Variants in PPFIA2 observed in about 807,000 individuals in gnomAD.
PPFIA2 encodes the protein liprin-alpha-2.
Under a neutral mutation model 175.5 loss-of-function variants are expected in PPFIA2, and 46 were observed. The ratio of observed to expected loss-of-function variants is 0.26; its 90% CI spans 0.21 to 0.34. The LOEUF is 0.34. Among genes scored for constraint, PPFIA2 ranks in the 10% least tolerant of loss-of-function variants. The pLI, the probability that PPFIA2 is intolerant of heterozygous loss-of-function variation, is 1.00. For missense variants in PPFIA2, 1,179 were observed against 1,506.1 expected (o/e 0.78, Z 3.60); for synonymous variants, 568 against 511.4 (o/e 1.11, Z -1.49).
intron 4 of PPFIA2, among the ~76,000 whole-genome samples, chr12:81,538,497 T>C (rs895573385): frequency 1.3e-5 from 2 of 151,804 alleles, no homozygotes; most frequent in Non-Finnish European, 2.9e-5. Context: ...GAAAATATAA[T>C]AGAGGATGTT....
intron 4 of PPFIA2, among the ~76,000 whole-genome samples, chr12:81,631,241 T>A (rs2063350906): frequency 6.6e-6 from 1 of 152,118 alleles, no homozygotes; most frequent in Admixed American, 6.6e-5. Context: ...TATTAGATAT[T>A]GATTTTAATG....
intron 3 of PPFIA2, among the ~76,000 whole-genome samples, chr12:81,695,055 C>G (rs1423277261): frequency 6.6e-6 from 1 of 151,916 alleles, no homozygotes; most frequent in African/African-American, 2.4e-5. Flanking sequence ...TTGGAAATAA[C>G]TAATTTGTTT....
At chr12:81,586,825 T>C (rs2075366395) in intron 4 of PPFIA2, among the ~76,000 whole-genome samples, 1 of 151,922 alleles carries the variant, frequency 6.6e-6, no homozygotes, top group Admixed American at 6.6e-5. Context: ...ATTACATTTC[T>C]CTAAATTTAA....
intron 3 of PPFIA2, among the ~76,000 whole-genome samples, chr12:81,705,084 A>T (rs1227966940): frequency 1.7e-4 from 6 of 34,992 alleles, no homozygotes; most frequent in South Asian, 1.9e-3. Flanking sequence ...AACTCTGTCT[A>T]AAAAAAAAAA....
intron 4 of PPFIA2, among the ~76,000 whole-genome samples, chr12:81,622,208 T>C (rs1021389756): frequency 2.0e-5 from 3 of 152,182 alleles, no homozygotes; most frequent in Non-Finnish European, 4.4e-5. Context: ...CAATTGGGTA[T>C]ATCAACTTGG....
At chr12:81,441,542 A>G (rs528820159) in intron 6 of PPFIA2, among the ~76,000 whole-genome samples, 69 of 152,254 alleles carry the variant, frequency 4.5e-4, no homozygotes, top group African/African-American at 1.6e-3. Flanking sequence ...ATTGTTAACA[A>G]AATACATAGG....
At chr12:81,367,055 G>A (rs1017030930) in intron 14 of PPFIA2, 53 bp downstream of exon 14, 57 of 1,403,066 alleles carry the variant, frequency 4.1e-5, no homozygotes, top group Admixed American at 2.9e-4. Flanking sequence ...ATTCATCAGT[G>A]GAATAGAAAA....
At chr12:81,538,458 T>C (rs1436828830) in intron 4 of PPFIA2, among the ~76,000 whole-genome samples, 1 of 151,868 alleles carries the variant, frequency 6.6e-6, no homozygotes, top group Non-Finnish European at 1.5e-5. Flanking sequence ...AAATATGTTT[T>C]ATGTAACAGA....
intron 4 of PPFIA2, among the ~76,000 whole-genome samples, chr12:81,488,949 C>T (rs554079206): frequency 8.6e-5 from 13 of 151,866 alleles, no homozygotes; most frequent in African/African-American, 2.4e-4. Flanking sequence ...TTAGGCACAG[C>T]GCAATGATTC....
chr12:81,400,101 T>A (rs184081567), intron 8 of PPFIA2, among the ~76,000 whole-genome samples: 2 of 152,304 alleles, frequency 1.3e-5, no homozygotes, highest in East Asian at 3.9e-4. Context: ...TGATAAATGA[T>A]GTTTATTAGT....
intron 3 of PPFIA2, among the ~76,000 whole-genome samples, chr12:81,730,296 G>A (rs2080702378): frequency 6.6e-6 from 1 of 151,562 alleles, no homozygotes; most frequent in South Asian, 2.1e-4. Flanking sequence ...CTCTCATACT[G>A]ATATGAAGAA....
chr12:81,506,967 C>T (rs1348903591), intron 4 of PPFIA2, among the ~76,000 whole-genome samples: 1 of 152,196 alleles, frequency 6.6e-6, no homozygotes, highest in Non-Finnish European at 1.5e-5. Context: ...AGAATAAGTC[C>T]TAATGCTTTA....
chr12:81,746,056 T>G (rs763509199), intron 3 of PPFIA2, among the ~76,000 whole-genome samples: 1 of 137,116 alleles, frequency 7.3e-6, no homozygotes, highest in Non-Finnish European at 1.7e-5. Flanking sequence ...GACTATATCT[T>G]AGCATCTCCT....
chr12:81,524,814 C>A (rs2063557266), intron 4 of PPFIA2, among the ~76,000 whole-genome samples: 1 of 152,138 alleles, frequency 6.6e-6, no homozygotes, highest in Admixed American at 6.5e-5. Context: ...TATGTTCAAA[C>A]CCTAACCTCC....
intron 7 of PPFIA2, among the ~76,000 whole-genome samples, chr12:81,419,100 A>G (rs1312538218): frequency 6.6e-6 from 1 of 152,062 alleles, no homozygotes; most frequent in African/African-American, 2.4e-5. Flanking sequence ...CCTTAAGGAA[A>G]GCAGTTTATT....
At chr12:81,479,465 T>A (rs1202016691) in intron 4 of PPFIA2, among the ~76,000 whole-genome samples, 1 of 152,200 alleles carries the variant, frequency 6.6e-6, no homozygotes, top group Non-Finnish European at 1.5e-5. Flanking sequence ...AATCTTGTCA[T>A]TATGATGCTA....
rs36182501 is a variant in PPFIA2 at position 81,386,275 on chromosome 12, T to TTAAATAAA, written c.763-2039_763-2032dup. Among the ~76,000 whole-genome samples, 506 of 135,722 alleles carry TTAAATAAA rather than the reference T, an allele frequency of 3.7e-3. 1 individual carries two copies. Among genetic ancestry groups the TTAAATAAA allele is most frequent in the African/African-American group, 5.5e-3 (199 of 36,478 alleles). The allele number at this position is 135,722 out of a possible 152,430, so 89.0% of individuals were successfully genotyped here. On this transcript the variant is annotated intron_variant, in intron 8 of 32. Coordinates refer to ENST00000549396, the MANE Select transcript of PPFIA2 (RefSeq NM_003625.5). Reference sequence around the variant, plus strand: ...CATGGGCAACAGAGCCTTACAACCTTTAAATAAATAAATAAATAAATAAAT... The same window carrying TTAAATAAA: ...CATGGGCAACAGAGCCTTACAACCTTTAAATAAATAAATAAATAAATAAATAAATAAAT...
chr12:81,268,376 G>T (rs2038063097), intron 28 of PPFIA2, among the ~76,000 whole-genome samples: 1 of 151,696 alleles, frequency 6.6e-6, no homozygotes, highest in Non-Finnish European at 1.5e-5. Context: ...CTGACCTCGT[G>T]ATCCGCCCGC....
At chr12:81,333,996 G>T (rs975279342) in intron 21 of PPFIA2, among the ~76,000 whole-genome samples, 1 of 152,164 alleles carries the variant, frequency 6.6e-6, no homozygotes, top group African/African-American at 2.4e-5. Flanking sequence ...TGTCCCCAGG[G>T]ATGTCATGAG....
Sources: allele counts gnomAD v4.1 joint callset (sites outside exome capture counted in the v4.1 genomes callset), GRCh38; gene constraint gnomAD v4.1.1; transcripts MANE v1.5; gene names NCBI Gene and HGNC (gene_info 2026-07-23, HGNC 2026-07-21).